The following PCDH15 variants were observed in gnomAD, a reference collection of about 807,000 sequenced individuals.
PCDH15 encodes the protein protocadherin-15.
In PCDH15, 129 loss-of-function variants were observed where a neutral mutation model predicts 178.5. That is an observed-to-expected ratio of 0.72 (90% CI 0.63 to 0.84). The LOEUF (loss-of-function observed/expected upper bound fraction) is 0.84. PCDH15 is among the 40% of genes least tolerant of loss of function. The pLI is 0.00. For missense variants in PCDH15, 2,230 were observed against 2,099.9 expected (o/e 1.06, Z -1.21); for synonymous variants, 800 against 732.0 (o/e 1.09, Z -1.50).
At chr10:54,881,877 G>A (rs1359928713) in intron 3 of PCDH15, among the ~76,000 whole-genome samples, 2 of 152,110 alleles carry the variant, frequency 1.3e-5, no homozygotes, top group Admixed American at 6.6e-5. Flanking sequence ...GTGTTTTGAA[G>A]TAATGGGCAG....
intron 8 of PCDH15, among the ~76,000 whole-genome samples, chr10:54,259,593 T>C (rs1031321879): frequency 6.6e-6 from 1 of 152,198 alleles, no homozygotes; most frequent in African/African-American, 2.4e-5. Flanking sequence ...ATTCAGTAAC[T>C]ATAAAATTAT....
At chr10:53,918,301 T>G (rs191498930) in intron 25 of PCDH15, among the ~76,000 whole-genome samples, 3 of 152,232 alleles carry the variant, frequency 2.0e-5, no homozygotes, top group African/African-American at 7.2e-5. Context: ...AAACTGAGAC[T>G]CAAGGAGATT....
At chr10:54,416,865 C>T (rs966168747) in intron 3 of PCDH15, among the ~76,000 whole-genome samples, 1 of 152,182 alleles carries the variant, frequency 6.6e-6, no homozygotes, top group African/African-American at 2.4e-5. Flanking sequence ...TTGCACTTCT[C>T]TAATGATCCC....
At chr10:55,261,523 T>A (rs1314151235) in intron 1 of PCDH15, among the ~76,000 whole-genome samples, 1 of 152,124 alleles carries the variant, frequency 6.6e-6, no homozygotes, top group Non-Finnish European at 1.5e-5. Flanking sequence ...TATTTGTGTA[T>A]TGCATCTCCA....
intron 2 of PCDH15, among the ~76,000 whole-genome samples, chr10:54,593,917 C>T (rs1017303457): frequency 3.3e-5 from 5 of 151,752 alleles, no homozygotes; most frequent in Non-Finnish European, 7.4e-5. Context: ...ACATCTCCCA[C>T]AGAGGGACCA....
At chr10:54,453,598 T>A (rs2076620548) in intron 3 of PCDH15, among the ~76,000 whole-genome samples, 1 of 151,642 alleles carries the variant, frequency 6.6e-6, no homozygotes, top group Non-Finnish European at 1.5e-5. Flanking sequence ...GGCACATGTA[T>A]ACATATGTAA....
At chr10:53,883,641 T>G (rs2080891656) in intron 26 of PCDH15, among the ~76,000 whole-genome samples, 1 of 152,144 alleles carries the variant, frequency 6.6e-6, no homozygotes, top group African/African-American at 2.4e-5. Flanking sequence ...CTATAAATTG[T>G]TGTAAAATAA....
intron 20 of PCDH15, among the ~76,000 whole-genome samples, chr10:54,016,597 A>G (rs928613007): frequency 2.6e-5 from 4 of 152,154 alleles, no homozygotes; most frequent in African/African-American, 7.2e-5. Flanking sequence ...GGATGCAACT[A>G]GAAGCCATTA....
Position 55,580,376 on chromosome 10 carries a change from GA to G in PCDH15, c.-156+47248del, listed in dbSNP as rs1384367758. Among the ~76,000 whole-genome samples, 302 of 68,454 alleles carry G rather than the reference GA, an allele frequency of 4.4e-3. 1 individual carries two copies. The highest frequency in any genetic ancestry group is 0.016 in the African/African-American group (280 of 17,088). The allele number at this position is 68,454 out of a possible 152,430, so 44.9% of individuals were successfully genotyped here. A position where few individuals can be genotyped will look rare whatever the true frequency, so the allele number is the denominator to read the frequency against. ...TATTTTTTTATTTTTTTTTTTTTTTGAGACGAAGTCTCATTCTGTTGCCCAG... is the reference window on the plus strand; with the variant it reads ...TATTTTTTTATTTTTTTTTTTTTTTGGACGAAGTCTCATTCTGTTGCCCAG... On this transcript the variant is annotated intron_variant, in intron 2 of 5. Transcript: ENST00000613346.
chr10:55,345,894 T>G (rs932361872), intron 2 of PCDH15, among the ~76,000 whole-genome samples: 4 of 152,168 alleles, frequency 2.6e-5, no homozygotes, highest in Non-Finnish European at 1.5e-5. Flanking sequence ...TAGTTTATAA[T>G]GGTGTTTGCC....
chr10:54,318,206 A>T (rs555947286), intron 7 of PCDH15, among the ~76,000 whole-genome samples: 2 of 152,274 alleles, frequency 1.3e-5, no homozygotes, highest in Non-Finnish European at 2.9e-5. Context: ...TTTCTGTGGG[A>T]GGTTAGGAGC....
At chr10:54,241,519 ATCAAG>A (rs1218941993) in intron 8 of PCDH15, among the ~76,000 whole-genome samples, 3 of 152,190 alleles carry the variant, frequency 2.0e-5, no homozygotes, top group Non-Finnish European at 2.9e-5. Context: ...AATTTTTGTT[ATCAAG>A]TCAAGAAACA....
chr10:54,242,187 T>TATAC (rs1554854543), intron 8 of PCDH15, among the ~76,000 whole-genome samples: 5 of 76,798 alleles, frequency 6.5e-5, no homozygotes, highest in Non-Finnish European at 1.3e-4. Context: ...TATATATATA[T>TATAC]ACACACACAC....
intron 5 of PCDH15, among the ~76,000 whole-genome samples, chr10:54,363,060 G>A (rs1412149662): frequency 2.0e-5 from 3 of 152,088 alleles, no homozygotes; most frequent in Non-Finnish European, 2.9e-5. Context: ...ATATGTTATA[G>A]GATATTTTTC....
intron 2 of PCDH15, among the ~76,000 whole-genome samples, chr10:54,899,016 G>C (rs1954594984): frequency 1.3e-5 from 2 of 152,124 alleles, no homozygotes; most frequent in African/African-American, 4.8e-5. Context: ...TCTTGCTTAA[G>C]TCATGCAGCA....
intron 3 of PCDH15, among the ~76,000 whole-genome samples, chr10:54,429,974 G>A: frequency 6.6e-6 from 1 of 151,218 alleles, no homozygotes; most frequent in Non-Finnish European, 1.5e-5. Flanking sequence ...TCTGCACTAT[G>A]GACAACAAGG....
intron 2 of PCDH15, among the ~76,000 whole-genome samples, chr10:54,615,079 T>C (rs953813125): frequency 1.5e-4 from 23 of 152,178 alleles, no homozygotes; most frequent in African/African-American, 5.5e-4. Context: ...TTCATCATAC[T>C]TTCTAAAGTT....
chr10:54,081,851 G>A (rs180844861), intron 16 of PCDH15, among the ~76,000 whole-genome samples: 25 of 152,088 alleles, frequency 1.6e-4, no homozygotes, highest in African/African-American at 4.8e-4. Context: ...GGAGAAGACA[G>A]CCCCAAGAGA....
At chr10:55,535,234 C>T (rs748189307) in intron 2 of PCDH15, among the ~76,000 whole-genome samples, 1 of 151,792 alleles carries the variant, frequency 6.6e-6, no homozygotes, top group Admixed American at 6.6e-5. Context: ...AGAAAATACA[C>T]ATGTGAAATA....
Sources: allele counts gnomAD v4.1 joint callset (sites outside exome capture counted in the v4.1 genomes callset), GRCh38; gene constraint gnomAD v4.1.1; transcripts MANE v1.5; gene names NCBI Gene and HGNC (gene_info 2026-07-23, HGNC 2026-07-21).